The following ACYP2 variants were observed in gnomAD, a reference collection of about 807,000 sequenced individuals.
ACYP2 encodes acylphosphatase-2.
Under a neutral mutation model 11.2 loss-of-function variants are expected in ACYP2, and 12 were observed. The ratio of observed to expected loss-of-function variants is 1.08; its 90% CI spans 0.69 to 1.74. The LOEUF (loss-of-function observed/expected upper bound fraction) is 1.74. Ranked by LOEUF, ACYP2 falls within the 40% of genes most tolerant of loss-of-function variation. The pLI is 0.00. For missense variants in ACYP2, 134 were observed against 101.9 expected (o/e 1.31, Z -1.35); for synonymous variants, 43 against 32.2 (o/e 1.33, Z -1.13).
At chr2:54,093,779 A>T (rs894604840) in intron 4 of ACYP2, among the ~76,000 whole-genome samples, 2 of 152,208 alleles carry the variant, frequency 1.3e-5, no homozygotes, top group African/African-American at 4.8e-5. Flanking sequence ...TCTCTACTAA[A>T]AATACAAAAA....
chr2:54,018,693 T>C (rs1356097730), intron 2 of ACYP2, among the ~76,000 whole-genome samples: 2 of 152,184 alleles, frequency 1.3e-5, no homozygotes, highest in African/African-American at 4.8e-5. Context: ...GAACTTCTTA[T>C]GGCTTTTGCT....
intron 2 of ACYP2, among the ~76,000 whole-genome samples, chr2:53,983,327 G>A (rs747757293): frequency 5.9e-5 from 9 of 152,054 alleles, no homozygotes; most frequent in African/African-American, 1.4e-4. Context: ...ACAACATGAC[G>A]AAACCCCATC....
At chr2:53,977,725 ACT>A (rs1263529232) in intron 2 of ACYP2, among the ~76,000 whole-genome samples, 4 of 136,148 alleles carry the variant, frequency 2.9e-5, no homozygotes, top group Admixed American at 7.8e-5. Flanking sequence ...GCAGAGCAAG[ACT>A]CCATCTCAAA....
At chr2:54,090,507 T>C (rs1301887822) in intron 4 of ACYP2, among the ~76,000 whole-genome samples, 1 of 152,126 alleles carries the variant, frequency 6.6e-6, no homozygotes, top group African/African-American at 2.4e-5. Flanking sequence ...GGCGTGCGCC[T>C]GGATTCCCAG....
At chr2:54,156,141 T>A (rs1189723185) in intron 6 of ACYP2, among the ~76,000 whole-genome samples, 1 of 152,228 alleles carries the variant, frequency 6.6e-6, no homozygotes, top group Non-Finnish European at 1.5e-5. Context: ...ATTCTACATA[T>A]GTCTGTTAGG....
intron 4 of ACYP2, among the ~76,000 whole-genome samples, chr2:54,072,196 G>C (rs1677080295): frequency 6.6e-6 from 1 of 152,106 alleles, no homozygotes; most frequent in South Asian, 2.1e-4. Context: ...TAAATGGAAA[G>C]ACATCCCATG....
chr2:54,113,002 G>C (rs889803695), intron 4 of ACYP2, among the ~76,000 whole-genome samples: 1 of 150,740 alleles, frequency 6.6e-6, no homozygotes, highest in Non-Finnish European at 1.5e-5. Context: ...CTACTTAGAA[G>C]CTATGCTATA....
At chr2:53,986,004 C>T (rs998358765) in intron 2 of ACYP2, among the ~76,000 whole-genome samples, 13 of 152,026 alleles carry the variant, frequency 8.6e-5, no homozygotes, top group African/African-American at 2.9e-4. Flanking sequence ...GGCATGGTGG[C>T]GTTCACCTGT....
At chr2:54,137,186 A>G (rs1681297275) in intron 5 of ACYP2, among the ~76,000 whole-genome samples, 1 of 148,896 alleles carries the variant, frequency 6.7e-6, no homozygotes, top group Admixed American at 6.6e-5. Context: ...GTCCAGAGCC[A>G]ACAGAAAACA....
At chr2:54,112,913 T>C (rs1253028285) in intron 4 of ACYP2, among the ~76,000 whole-genome samples, 1 of 152,164 alleles carries the variant, frequency 6.6e-6, no homozygotes, top group African/African-American at 2.4e-5. Flanking sequence ...ACCTAATAAT[T>C]GGCAGGGGTA....
intron 2 of ACYP2, chr2:54,029,627 AT>A: frequency 1.1e-5 from 4 of 367,406 alleles, no homozygotes; most frequent in South Asian, 2.5e-5. Flanking sequence ...TTTTCTGATC[AT>A]TTTCCTTCAT....
intron 6 of ACYP2, among the ~76,000 whole-genome samples, chr2:54,206,519 C>G (rs1246654151): frequency 6.6e-6 from 1 of 152,174 alleles, no homozygotes; most frequent in Non-Finnish European, 1.5e-5. Context: ...AACGATATCT[C>G]TATTGTGTTT....
In ACYP2 at chr2:54,136,045, G is replaced by A. The variant is rs116577645; in HGVS notation, c.294+576G>A. ...CCCAAGTAGCTGGGATTACACAGGT[G>A]CCTGCTACGACATCCAGCTACTTTT... On this transcript the variant is annotated intron_variant, in intron 5 of 6. Transcript: ENST00000607452. Among the ~76,000 whole-genome samples, 1,261 of 152,266 alleles carry A rather than the reference G, an allele frequency of 8.3e-3. 16 individuals are homozygous for A. Among genetic ancestry groups the A allele is most frequent in the African/African-American group, 0.028 (1,149 of 41,540 alleles).
intron 6 of ACYP2, among the ~76,000 whole-genome samples, chr2:54,164,397 G>T (rs1682863059): frequency 6.6e-6 from 1 of 152,148 alleles, no homozygotes; most frequent in African/African-American, 2.4e-5. Flanking sequence ...GGGGCAGGGT[G>T]ACCCAATCAT....
At chr2:54,114,012 C>T (rs1679601765) in intron 4 of ACYP2, among the ~76,000 whole-genome samples, 2 of 152,058 alleles carry the variant, frequency 1.3e-5, no homozygotes, top group South Asian at 4.1e-4. Flanking sequence ...ACTGCACTAG[C>T]ATTTCCAGAA....
At chr2:54,034,695 A>T (rs1394203255) in intron 2 of ACYP2, among the ~76,000 whole-genome samples, 1 of 152,168 alleles carries the variant, frequency 6.6e-6, no homozygotes, top group Non-Finnish European at 1.5e-5. Flanking sequence ...TTCTTAAATC[A>T]TATCAATAGT....
At chr2:54,167,619 A>T (rs920929503) in intron 6 of ACYP2, among the ~76,000 whole-genome samples, 1 of 152,198 alleles carries the variant, frequency 6.6e-6, no homozygotes, top group Admixed American at 6.5e-5. Flanking sequence ...TGGCCTGGGT[A>T]TGAAAGAACG....
At chr2:54,273,337 T>C (rs1688399990) in intron 6 of ACYP2, among the ~76,000 whole-genome samples, 1 of 152,232 alleles carries the variant, frequency 6.6e-6, no homozygotes, top group Non-Finnish European at 1.5e-5. Flanking sequence ...TAATTGAGTG[T>C]TCTTTGTTAT....
At chr2:54,204,927 A>T (rs186432003) in intron 6 of ACYP2, among the ~76,000 whole-genome samples, 1 of 152,234 alleles carries the variant, frequency 6.6e-6, no homozygotes, top group Non-Finnish European at 1.5e-5. Context: ...AATACCAGCC[A>T]TTCATTTTAC....
Sources: allele counts gnomAD v4.1 joint callset (sites outside exome capture counted in the v4.1 genomes callset), GRCh38; gene constraint gnomAD v4.1.1; transcripts MANE v1.5; gene names NCBI Gene and HGNC (gene_info 2026-07-23, HGNC 2026-07-21).